Variants in SVOPL observed in about 807,000 individuals in gnomAD.
The protein encoded by SVOPL is putative transporter SVOPL.
SVOPL carries 60 observed loss-of-function variants against 61.0 expected under a neutral mutation model. The observed-to-expected ratio is 0.98, with a 90% CI of 0.80 to 1.22. SVOPL has a LOEUF of 1.22. SVOPL is among the 50% of genes most tolerant of loss of function. SVOPL has a pLI of 0.00. For missense variants in SVOPL, 662 were observed against 643.9 expected (o/e 1.03, Z -0.30); for synonymous variants, 279 against 250.0 (o/e 1.12, Z -1.09).
intron 1 of SVOPL, among the ~76,000 whole-genome samples, chr7:138,684,900 TAC>T (rs201971172): frequency 0.013 from 1,956 of 151,922 alleles, 38 homozygotes; most frequent in African/African-American, 0.045. Context: ...GGAAATTGGG[TAC>T]ATGCATACAA....
At position 138,618,690 on chromosome 7, in the gene SVOPL, G is replaced by A. The variant is rs1209449717; in HGVS notation, c.1353+2356C>T. ...AGCACGCAAGAGTGAGAGAGAATGA[G>A]AGCACGCGTGCACACGCGCGAGAGA... On this transcript the variant is annotated intron_variant, in intron 14 of 15. Transcript: ENST00000674285. 2.7e-5 allele frequency among the ~76,000 whole-genome samples: 4 copies of A among 145,472 alleles called. No individual in the cohort carries two copies. In the Admixed American group the frequency reaches 2.8e-4, roughly 10 times the overall value.
chr7:138,667,090 A>C (rs762460795), intron 4 of SVOPL, among the ~76,000 whole-genome samples: 1 of 152,240 alleles, frequency 6.6e-6, no homozygotes, highest in Non-Finnish European at 1.5e-5. Flanking sequence ...AGTTAATAAG[A>C]GGAGTTTTAA....
At chr7:138,635,175 G>C (rs1387665633) in intron 9 of SVOPL, among the ~76,000 whole-genome samples, 2 of 151,904 alleles carry the variant, frequency 1.3e-5, no homozygotes, top group Non-Finnish European at 2.9e-5. Context: ...GGGAGGCTGA[G>C]GCAGGAAAAT....
intron 1 of SVOPL, among the ~76,000 whole-genome samples, chr7:138,687,794 A>C (rs6970863): frequency 0.048 from 7,285 of 151,448 alleles, 445 homozygotes; most frequent in East Asian, 0.19. Flanking sequence ...CTCGATAATA[A>C]AAAGAAAATC....
At chr7:138,637,445 TAGATAGATAG>T (rs1563108530) in intron 9 of SVOPL, among the ~76,000 whole-genome samples, 231 of 10,876 alleles carry the variant, frequency 0.021, 5 homozygotes, top group African/African-American at 0.098. Context: ...TATATATAGA[TAGATAGATAG>T]ATATATATAT....
chr7:138,612,436 T>TAAAAAAAAAAAAAAAAAAAAAAA (rs60800575), intron 14 of SVOPL, among the ~76,000 whole-genome samples: 1 of 17,852 alleles, frequency 5.6e-5, no homozygotes, highest in Non-Finnish European at 1.1e-4. Flanking sequence ...AAATAAAAAA[T>TAAAAAAAAAAAAAAAAAAAAAAA]AAAAAAAAAA....
At chr7:138,681,475 G>T (rs1385873099) in intron 1 of SVOPL, among the ~76,000 whole-genome samples, 1 of 152,014 alleles carries the variant, frequency 6.6e-6, no homozygotes, top group African/African-American at 2.4e-5. Context: ...TCTTGTCGTA[G>T]CCTATAGCAT....
chr7:138,615,384 G>T (rs899962213), intron 14 of SVOPL, among the ~76,000 whole-genome samples: 1 of 151,908 alleles, frequency 6.6e-6, no homozygotes, highest in African/African-American at 2.4e-5. Flanking sequence ...AGTGAAACCC[G>T]GTCTCTACTA....
In SVOPL at chr7:138,659,849, G is replaced by A. The variant is rs1345815770; in HGVS notation, c.470+15C>T. On this transcript the variant is annotated intron_variant, in intron 6 of 15. Coordinates refer to ENST00000674285, the MANE Select transcript of SVOPL (RefSeq NM_001139456.2). ...ACACGTTTCTGTCTCAGGGTCCCCT[G>A]GGTAACATATTTACCCTTGCGAGTG... 6 of 1,551,190 alleles carry A rather than the reference G, an allele frequency of 3.9e-6. No individual in the cohort carries two copies. In the South Asian group the frequency reaches 4.8e-5, roughly 12 times the overall value.
chr7:138,641,343 G>A (rs1407007489), intron 9 of SVOPL, among the ~76,000 whole-genome samples: 1 of 151,824 alleles, frequency 6.6e-6, no homozygotes, highest in East Asian at 1.9e-4. Flanking sequence ...ACTAATGCAT[G>A]GACAAAAATC....
chr7:138,643,875 C>T (rs1194852379), intron 9 of SVOPL, among the ~76,000 whole-genome samples: 1 of 152,006 alleles, frequency 6.6e-6, no homozygotes, highest in Non-Finnish European at 1.5e-5. Context: ...TATCACTGAA[C>T]TGTACATTTA....
chr7:138,676,353 A>G (rs1584863543), intron 3 of SVOPL, among the ~76,000 whole-genome samples: 2 of 152,288 alleles, frequency 1.3e-5, no homozygotes, highest in East Asian at 3.9e-4. Context: ...TCATTTTCTC[A>G]CAGTTCTGCA....
Position 138,630,951 on chromosome 7 carries a change from GAA to G in SVOPL, c.790-831_790-830del, listed in dbSNP as rs57139655. 3.4e-3 allele frequency among the ~76,000 whole-genome samples: 259 copies of G among 76,344 alleles called. 3 individuals are homozygous for G. The highest frequency in any genetic ancestry group is 4.6e-3 in the East Asian group (14 of 3,024). The allele number at this position is 76,344 out of a possible 152,430, so 50.1% of individuals were successfully genotyped here. The stretch of plus-strand genomic sequence containing the variant: ...AGAGTGAAACTCCATCTCAAAAAAA[GAA>G]AAAAAAAAAAAAAAAAGCAAGGAAG... On this transcript the variant is annotated intron_variant, in intron 9 of 15. Coordinates refer to ENST00000674285, the MANE Select transcript of SVOPL (RefSeq NM_001139456.2).
At chr7:138,700,914 A>T in intron 1 of SVOPL, among the ~76,000 whole-genome samples, 1 of 152,206 alleles carries the variant, frequency 6.6e-6, no homozygotes, top group East Asian at 1.9e-4. Flanking sequence ...TCATTAAAAC[A>T]AATTCTAAAG....
chr7:138,696,116 C>G (rs1431754390), intron 1 of SVOPL, among the ~76,000 whole-genome samples: 1 of 152,086 alleles, frequency 6.6e-6, no homozygotes, highest in Non-Finnish European at 1.5e-5. Context: ...TTTTCCTTCA[C>G]CAAGAATTCT....
At chr7:138,638,620 A>G (rs1244422399) in intron 9 of SVOPL, among the ~76,000 whole-genome samples, 1 of 148,328 alleles carries the variant, frequency 6.7e-6, no homozygotes. Flanking sequence ...AAAAGTTGAA[A>G]TTATAAAAAA....
At chr7:138,651,953 G>T (rs1326126849) in intron 7 of SVOPL, among the ~76,000 whole-genome samples, 2 of 152,108 alleles carry the variant, frequency 1.3e-5, no homozygotes, top group Non-Finnish European at 2.9e-5. Context: ...AGGCTAGAAT[G>T]CAGTGGCGCA....
rs1802641205 is a variant in SVOPL, at chr7:138,678,997, A to G, written c.49T>C (p.Leu17=). Residue 17 remains leucine, a synonymous_variant, in exon 2 of 16, where the codon TTG becomes CTG. Transcript: ENST00000674285. Reference sequence around the variant, plus strand: ...TGTGGCTCTGCGGTCCCCAGGCTCAATTTCCGAAGGCTGAGGATCGTGACA... The same window carrying G: ...TGTGGCTCTGCGGTCCCCAGGCTCAGTTTCCGAAGGCTGAGGATCGTGACA... ...EPVTILSLRK[L]SLGTAEPQVK... 1 of 1,551,666 alleles carries G rather than the reference A, an allele frequency of 6.4e-7. No homozygotes were observed. Among genetic ancestry groups the G allele is most frequent in the Non-Finnish European group, 8.7e-7 (1 of 1,146,966 alleles).
At chr7:138,667,874 T>C (rs1225379067) in intron 4 of SVOPL, among the ~76,000 whole-genome samples, 1 of 152,196 alleles carries the variant, frequency 6.6e-6, no homozygotes, top group Non-Finnish European at 1.5e-5. Flanking sequence ...TAACTTACTT[T>C]ATAGTTTAAA....
Sources: allele counts gnomAD v4.1 joint callset (sites outside exome capture counted in the v4.1 genomes callset), GRCh38; gene constraint gnomAD v4.1.1; transcripts MANE v1.5; gene names NCBI Gene and HGNC (gene_info 2026-07-23, HGNC 2026-07-21).